Variants in KIF4A observed in about 807,000 individuals in gnomAD.
KIF4A encodes the protein kinesin family member 4A, also known as chromosome-associated kinesin KIF4A.
In KIF4A, 7 loss-of-function variants were observed where a neutral mutation model predicts 105.9. The observed-to-expected ratio is 0.07, with a 90% CI of 0.04 to 0.12. KIF4A has a LOEUF of 0.12. Ranked by LOEUF, KIF4A falls within the 10% of genes least tolerant of loss-of-function variation. The pLI, the probability that KIF4A is intolerant of heterozygous loss-of-function variation, is 1.00. For synonymous variants in KIF4A, 281 were observed against 331.3 expected (o/e 0.85, Z 1.65); for missense variants, 558 against 929.2 (o/e 0.60, Z 5.19).
At chrX:70,405,457 A>G (rs1405451770) in intron 25 of KIF4A, among the ~76,000 whole-genome samples, 2 of 111,791 alleles carry the variant, frequency 1.8e-5, no homozygotes, top group Non-Finnish European at 3.8e-5. Context: ...TATGTTGAGA[A>G]GGGTAAAGAG....
At chrX:70,370,827 T>C (rs1827540770) in intron 15 of KIF4A, among the ~76,000 whole-genome samples, 1 of 107,514 alleles carries the variant, frequency 9.3e-6, no homozygotes, top group South Asian at 4.1e-4. Flanking sequence ...TCTCAGCTAC[T>C]TGGGAGACTG....
At chrX:70,349,669 G>A (rs1350584308) in intron 13 of KIF4A, among the ~76,000 whole-genome samples, 2 of 90,204 alleles carry the variant, frequency 2.2e-5, no homozygotes, top group Admixed American at 2.4e-4. Flanking sequence ...GCTGGGCAGA[G>A]GCACTCCTCA....
At chrX:70,374,496 AT>A (rs1256101624) in intron 16 of KIF4A, among the ~76,000 whole-genome samples, 4 of 112,077 alleles carry the variant, frequency 3.6e-5, no homozygotes, top group African/African-American at 6.5e-5. Context: ...TTAGGCAGTA[AT>A]TGTGTTAAGA....
In KIF4A at chrX:70,341,930, T is replaced by G. The variant is rs1199457; in HGVS notation, c.1265T>G (p.Leu422Trp). The G allele has an allele frequency of 0.055, 66,076 of 1,205,443 alleles. 3,378 individuals carry two copies. Among genetic ancestry groups the G allele is most frequent in the African/African-American group, 0.35 (19,812 of 56,785 alleles). ...GCCCAGATGTTGGAGAGGATCATTTTGGTAAGCCCCCAAGAATAAACTACT... is the reference window on the plus strand; with the variant it reads ...GCCCAGATGTTGGAGAGGATCATTTGGGTAAGCCCCCAAGAATAAACTACT... Reference protein sequence around the residue: ...QTAQMLERIILTEQANEKMNA... With the variant: ...QTAQMLERIIWTEQANEKMNA... The change falls in exon 11 of 31, where the codon TTG becomes TGG. Residue 422 changes from leucine (L) to tryptophan (W), a missense_variant and splice_region_variant. Leu to Trp is a moderately conservative substitution (Grantham distance 61). This residue lies in a region of KIF4A where 469 missense variants were observed against 680.4 expected (regional missense o/e 0.69). Coordinates refer to ENST00000374403, the MANE Select transcript of KIF4A (RefSeq NM_012310.5).
At chrX:70,329,301 C>T (rs1290814635) in intron 7 of KIF4A, 104 bp from the exon 8 acceptor site, 2 of 757,287 alleles carry the variant, frequency 2.6e-6, no homozygotes, top group Admixed American at 3.0e-5. Context: ...ATTGATGACT[C>T]GATATTTTTA....
At chrX:70,413,225 G>A (rs1218385745) in intron 28 of KIF4A, among the ~76,000 whole-genome samples, 2 of 112,248 alleles carry the variant, frequency 1.8e-5, no homozygotes, top group Non-Finnish European at 3.8e-5. Flanking sequence ...TATTCTTGTG[G>A]GGAGAGACAC....
At chrX:70,397,749 A>G (rs974139437) in intron 22 of KIF4A, among the ~76,000 whole-genome samples, 2 of 112,055 alleles carry the variant, frequency 1.8e-5, no homozygotes, top group Non-Finnish European at 3.8e-5. Flanking sequence ...AGCAATACAT[A>G]CTAACTTTAT....
intron 5 of KIF4A, among the ~76,000 whole-genome samples, chrX:70,300,619 T>C (rs1003459145): frequency 8.9e-6 from 1 of 111,795 alleles, no homozygotes; most frequent in African/African-American, 3.3e-5. Flanking sequence ...ACAGGAGATA[T>C]GTTAGGACCA....
At chrX:70,297,992 C>T (rs990420581) in intron 4 of KIF4A, among the ~76,000 whole-genome samples, 1 of 111,076 alleles carries the variant, frequency 9.0e-6, no homozygotes, top group Non-Finnish European at 1.9e-5. Context: ...CCTTCTTGGC[C>T]AGGCCCGGTG....
chrX:70,371,971 A>G (rs1212749623), intron 15 of KIF4A, among the ~76,000 whole-genome samples: 1 of 98,342 alleles, frequency 1.0e-5, no homozygotes, highest in Non-Finnish European at 2.1e-5. Context: ...AGACGGGGTC[A>G]CGGCCGGGTA....
chrX:70,403,457 A>G (rs1366937604), intron 23 of KIF4A, among the ~76,000 whole-genome samples: 4 of 112,731 alleles, frequency 3.5e-5, no homozygotes, highest in Non-Finnish European at 7.5e-5. Flanking sequence ...GAATATAGAC[A>G]TTCTGAAATG....
intron 10 of KIF4A, among the ~76,000 whole-genome samples, chrX:70,334,634 G>A (rs1020779619): frequency 9.8e-5 from 11 of 112,250 alleles, no homozygotes; most frequent in African/African-American, 3.6e-4. Context: ...TAGGCATAGA[G>A]TATCTAAGCA....
At chrX:70,312,882 G>C (rs1011339604) in intron 7 of KIF4A, among the ~76,000 whole-genome samples, 1 of 111,862 alleles carries the variant, frequency 8.9e-6, no homozygotes, top group African/African-American at 3.2e-5. Context: ...AGGTGCTTCT[G>C]TCTTTCCTTT....
chrX:70,394,205 C>CT (rs376526687), intron 20 of KIF4A, among the ~76,000 whole-genome samples: 20,901 of 97,603 alleles, frequency 0.21, 1,966 homozygotes, highest in Non-Finnish European at 0.27. Context: ...TTGGGTCTAG[C>CT]TTTTTTTTTT....
Position 70,353,651 on chromosome X carries a change from G to A in KIF4A, c.1518G>A (p.Arg506=), listed in dbSNP as rs1463154511. The A allele has an allele frequency of 8.3e-7, 1 of 1,210,592 alleles. No homozygotes were observed. The highest frequency in any genetic ancestry group is 2.2e-5 in the Admixed American group (1 of 45,863). Residue 506 remains arginine (R), a synonymous_variant, in exon 15 of 31, where the codon AGG becomes AGA. Coordinates refer to ENST00000374403, the MANE Select transcript of KIF4A (RefSeq NM_012310.5). ...TAGAAACCAGTCCAGAGACGAGCAGGTCTTCTGACGCTTTTACCACTCAGC... is the reference window on the plus strand; with the variant it reads ...TAGAAACCAGTCCAGAGACGAGCAGATCTTCTGACGCTTTTACCACTCAGC... ...AQVETSPETS[R]SSDAFTTQHA...
At position 70,299,213 on chromosome X, in the gene KIF4A, C is replaced by T. The variant is rs1347436526; in HGVS notation, c.516+11C>T. 2.5e-6 allele frequency: 3 copies of T among 1,176,669 alleles called. No homozygotes were observed. Among genetic ancestry groups the T allele is most frequent in the Non-Finnish European group, 2.3e-6 (2 of 875,058 alleles). On this transcript the variant is annotated intron_variant, in intron 5 of 30. Transcript: ENST00000374403. ...AAGGAAGGCATAAAGGTGTGTTTGT[C>T]TCTCATTTGATGTTATTAAAAAAAT... is the stretch of plus-strand genomic sequence containing the variant.
chrX:70,320,020 A>G (rs758067889), intron 7 of KIF4A, among the ~76,000 whole-genome samples: 44 of 111,637 alleles, frequency 3.9e-4, no homozygotes, highest in Non-Finnish European at 7.9e-4. Flanking sequence ...ACTCTTTTTG[A>G]AACTCTTAAT....
chrX:70,413,241 A>G (rs377348141), intron 28 of KIF4A, among the ~76,000 whole-genome samples: 1 of 112,363 alleles, frequency 8.9e-6, no homozygotes, highest in East Asian at 2.8e-4. Flanking sequence ...GACACATGGT[A>G]ACCAGAAAAA....
chrX:70,363,511 T>C (rs773297638), intron 15 of KIF4A, among the ~76,000 whole-genome samples: 1 of 111,475 alleles, frequency 9.0e-6, no homozygotes, highest in South Asian at 3.8e-4. Context: ...TTTTTGTCCT[T>C]GCAATAGTTT....
Sources: allele counts gnomAD v4.1 joint callset (sites outside exome capture counted in the v4.1 genomes callset), GRCh38; gene constraint gnomAD v4.1.1; regional missense constraint gnomAD v4.1.1; transcripts MANE v1.5; gene names NCBI Gene and HGNC (gene_info 2026-07-23, HGNC 2026-07-21).